CCDC171: variants seen among roughly 807,000 people sequenced by gnomAD.
CCDC171 encodes the protein coiled-coil domain-containing protein 171.
Under a neutral mutation model 168.2 loss-of-function variants are expected in CCDC171, and 177 were observed. The ratio of observed to expected loss-of-function variants is 1.05; its 90% CI spans 0.93 to 1.19. The LOEUF (loss-of-function observed/expected upper bound fraction) is 1.19. Ranked by LOEUF, CCDC171 falls within the 50% of genes most tolerant of loss-of-function variation. CCDC171 has a pLI of 0.00. For missense variants in CCDC171, 1,991 were observed against 1,539.0 expected (o/e 1.29, Z -4.91); for synonymous variants, 687 against 540.8 (o/e 1.27, Z -3.75).
At chr9:15,583,847 A>T (rs1043646771) in intron 4 of CCDC171, among the ~76,000 whole-genome samples, 1 of 152,128 alleles carries the variant, frequency 6.6e-6, no homozygotes, top group African/African-American at 2.4e-5. Flanking sequence ...TCATGGGGCT[A>T]AAGAAATGTT....
chr9:15,900,934 C>G (rs1821549820), intron 24 of CCDC171, among the ~76,000 whole-genome samples: 2 of 152,186 alleles, frequency 1.3e-5, no homozygotes, highest in South Asian at 4.1e-4. Context: ...TGTACATCTA[C>G]AGTTAGTCAC....
intron 1 of CCDC171, chr9:16,043,016 G>A (rs1436627038): frequency 6.6e-6 from 1 of 152,130 alleles, no homozygotes; most frequent in African/African-American, 2.4e-5. Flanking sequence ...CTTGCAGTGG[G>A]GAGTGCCAGG....
At chr9:15,906,679 C>G (rs1309096923) in intron 24 of CCDC171, among the ~76,000 whole-genome samples, 3 of 152,104 alleles carry the variant, frequency 2.0e-5, no homozygotes, top group African/African-American at 7.2e-5. Flanking sequence ...CCAGGGCAAT[C>G]AGGCAGGAGA....
At chr9:15,599,170 T>A (rs1048002167) in intron 6 of CCDC171, among the ~76,000 whole-genome samples, 1 of 152,194 alleles carries the variant, frequency 6.6e-6, no homozygotes, top group African/African-American at 2.4e-5. Flanking sequence ...CGTTGTTATG[T>A]GTGAATTTGA....
chr9:16,069,552 C>T, the CCDC171 span, among the ~76,000 whole-genome samples: 17 of 152,216 alleles, frequency 1.1e-4, no homozygotes, highest in Non-Finnish European at 2.4e-4. Flanking sequence ...TATTGGCTAA[C>T]GCTCGGGGCA....
At chr9:15,663,593 ATTTTCTTTTT>A (rs1471069409) in intron 8 of CCDC171, among the ~76,000 whole-genome samples, 1 of 140,030 alleles carries the variant, frequency 7.1e-6, no homozygotes, top group African/African-American at 2.6e-5. Flanking sequence ...TACATAGAGA[ATTTTCTTTTT>A]TTTTCTTTTT....
chr9:16,045,327 C>T (rs554273958), intron 1 of CCDC171, among the ~76,000 whole-genome samples: 1 of 152,192 alleles, frequency 6.6e-6, no homozygotes, highest in African/African-American at 2.4e-5. Context: ...ACAACTGGAT[C>T]TTAACACAGC....
rs187479069 is a variant in CCDC171 at position 15,628,887 on chromosome 9, C to T, written c.822+5474C>T. ...TAACGGTTCACGAAAATCCGCTGTT[C>T]TGCAGCCACCGCTGCTGGTACCCAG... is the stretch of plus-strand genomic sequence containing the variant. On this transcript the variant is annotated intron_variant, in intron 7 of 25. Coordinates refer to ENST00000380701, the MANE Select transcript of CCDC171 (RefSeq NM_173550.4). Among the ~76,000 whole-genome samples, 712 of 152,328 alleles carry T rather than the reference C, an allele frequency of 4.7e-3. 7 individuals carry two copies. Among genetic ancestry groups the T allele is most frequent in the African/African-American group, 0.016 (678 of 41,566 alleles).
chr9:16,001,837 CTTT>C (rs35583305), intron 3 of CCDC171, among the ~76,000 whole-genome samples: 64 of 128,000 alleles, frequency 5.0e-4, no homozygotes, highest in African/African-American at 1.1e-3. Flanking sequence ...GATTTATTAT[CTTT>C]TTTTTTTTTT....
chr9:15,828,030 A>C (rs2060085861), intron 21 of CCDC171, among the ~76,000 whole-genome samples: 1 of 152,236 alleles, frequency 6.6e-6, no homozygotes, highest in African/African-American at 2.4e-5. Flanking sequence ...TAGAGGATAT[A>C]GGAATAGAAA....
upstream of CCDC171, among the ~76,000 whole-genome samples, chr9:16,042,455 G>A (rs754841001): frequency 1.5e-4 from 23 of 152,176 alleles, no homozygotes; most frequent in Non-Finnish European, 3.2e-4. Flanking sequence ...GATTGAAGGC[G>A]TTTTGCTCCC....
At chr9:15,939,317 C>T (rs1212572990) in intron 25 of CCDC171, among the ~76,000 whole-genome samples, 2 of 151,402 alleles carry the variant, frequency 1.3e-5, no homozygotes, top group Non-Finnish European at 3.0e-5. Context: ...ATACAGAATC[C>T]TTCAGTTGTA....
At position 15,874,655 on chromosome 9, in the gene CCDC171, G is replaced by T; in HGVS notation, c.3592G>T (p.Ala1198Ser). ...GCTCAAGGGCGGGCCAGAGGTGGTA[G>T]CATGCCAGGTTAGAGTCTAAATAAC... ...EGLKGGPEVV[A>S]CQAMIKSFMD... is the part of the protein sequence containing the mutation. The change falls in exon 24 of 26, where the codon GCA (alanine) becomes TCA (serine). Residue 1198 changes from alanine (A) to serine (S), a missense_variant. Transcript: ENST00000380701. 6.3e-7 allele frequency: 1 copy of T among 1,578,142 alleles called. No individual in the cohort carries two copies. The highest frequency in any genetic ancestry group is 8.6e-7 in the Non-Finnish European group (1 of 1,162,134).
In CCDC171 at chr9:15,766,705, G is replaced by T. The variant is rs528621210; in HGVS notation, c.2672-10895G>T. On this transcript the variant is annotated intron_variant, in intron 18 of 25. Coordinates refer to ENST00000380701, the MANE Select transcript of CCDC171 (RefSeq NM_173550.4). ...CTCTCTGTCTCTGTCACCCAGGCTG[G>T]AGTACAGTGGTGCAATCATAGCTCA... 7.9e-4 allele frequency among the ~76,000 whole-genome samples: 120 copies of T among 151,368 alleles called. No homozygotes were observed. The South Asian group carries it at 0.011, about 13-fold the overall frequency.
intron 7 of CCDC171, among the ~76,000 whole-genome samples, chr9:15,645,913 C>T (rs2046997449): frequency 6.6e-6 from 1 of 152,104 alleles, no homozygotes; most frequent in South Asian, 2.1e-4. Flanking sequence ...AAAGATACTC[C>T]TCGAGAAGAG....
intron 7 of CCDC171, among the ~76,000 whole-genome samples, chr9:15,655,988 T>A (rs2047895747): frequency 6.6e-6 from 1 of 152,164 alleles, no homozygotes; most frequent in Admixed American, 6.6e-5. Context: ...TAATCTAAAT[T>A]GGCACCATCG....
At chr9:16,068,195 C>T in the CCDC171 span, among the ~76,000 whole-genome samples, 1 of 149,280 alleles carries the variant, frequency 6.7e-6, no homozygotes, top group African/African-American at 2.5e-5. Context: ...CATGAGTGAA[C>T]TCCCATTCAC....
intron 11 of CCDC171, among the ~76,000 whole-genome samples, chr9:15,715,374 G>A (rs970290800): frequency 5.9e-5 from 9 of 152,162 alleles, no homozygotes; most frequent in Non-Finnish European, 1.2e-4. Context: ...AATATACAGT[G>A]TTGTGGTCTG....
intron 1 of CCDC171, among the ~76,000 whole-genome samples, chr9:15,558,804 A>C (rs1406602179): frequency 6.6e-6 from 1 of 151,904 alleles, no homozygotes. Context: ...TTGCTTCTCT[A>C]GTTCTTTTAA....
Sources: allele counts gnomAD v4.1 joint callset (sites outside exome capture counted in the v4.1 genomes callset), GRCh38; gene constraint gnomAD v4.1.1; transcripts MANE v1.5; gene names NCBI Gene and HGNC (gene_info 2026-07-23, HGNC 2026-07-21).